OR9Q1: variants seen among roughly 807,000 people sequenced by gnomAD.
The protein encoded by OR9Q1 is olfactory receptor family 9 subfamily Q member 1.
For synonymous variants in OR9Q1, 153 were observed against 148.6 expected, an observed-to-expected ratio of 1.03 and a Z score of -0.22; for missense variants, 374 against 378.8, an observed-to-expected ratio of 0.99 and a Z score of 0.11.
chr11:58,114,636 G>A (rs1194065374), intron 2 of OR9Q1, among the ~76,000 whole-genome samples: 1 of 152,162 alleles, frequency 6.6e-6, no homozygotes, highest in Non-Finnish European at 1.5e-5. Flanking sequence ...CTTCTCTGTT[G>A]CTCTTTGGGG....
intron 1 of OR9Q1, among the ~76,000 whole-genome samples, chr11:58,027,391 C>T (rs558356811): frequency 6.6e-6 from 1 of 152,300 alleles, no homozygotes; most frequent in East Asian, 1.9e-4. Context: ...TGGCAAATTA[C>T]AGCCCATGGT....
At chr11:58,124,437 C>A (rs1480599183) in intron 2 of OR9Q1, 1 of 152,172 alleles carries the variant, frequency 6.6e-6, no homozygotes, top group Non-Finnish European at 1.5e-5. Context: ...CTTGTACTTA[C>A]TTTAACTTGG....
chr11:58,039,866 G>A (rs1853143886), intron 1 of OR9Q1, among the ~76,000 whole-genome samples: 1 of 152,110 alleles, frequency 6.6e-6, no homozygotes, highest in Non-Finnish European at 1.5e-5. Context: ...AATAAATCAA[G>A]GTAAAGGTTT....
At chr11:58,031,569 T>C in intron 1 of OR9Q1, 1 of 1,614,026 alleles carries the variant, frequency 6.2e-7, no homozygotes. Context: ...GATTTCCTGG[T>C]GTCTCTGGCT....
At chr11:58,059,231 A>C (rs1123307) in intron 2 of OR9Q1, among the ~76,000 whole-genome samples, 1 of 152,038 alleles carries the variant, frequency 6.6e-6, no homozygotes, top group South Asian at 2.1e-4. Flanking sequence ...CAGAGAGGTA[A>C]AGATGTGCTA....
At position 58,178,727 on chromosome 11, in the gene OR9Q1, C is replaced by T. The variant is rs181729867; in HGVS notation, c.-14-704C>T. ...ACACAGCTACTTAGCAATAGAGGTG[C>T]GAGAATGTGCACCCCTGTTCTGAGA... On this transcript the variant is annotated intron_variant, in intron 2 of 2. Transcript: ENST00000335397. Among the ~76,000 whole-genome samples, 5 of 151,700 alleles carry T rather than the reference C, an allele frequency of 3.3e-5. No individual in the cohort carries two copies. The East Asian group carries it at 7.8e-4, about 24-fold the overall frequency.
At chr11:58,143,668 G>A (rs1854272060) in intron 2 of OR9Q1, among the ~76,000 whole-genome samples, 1 of 152,104 alleles carries the variant, frequency 6.6e-6, no homozygotes, top group African/African-American at 2.4e-5. Context: ...CATGGACACA[G>A]GGAGGGAAAC....
intron 2 of OR9Q1, among the ~76,000 whole-genome samples, chr11:58,160,511 G>T (rs1854447214): frequency 6.6e-6 from 1 of 152,052 alleles, no homozygotes; most frequent in South Asian, 2.1e-4. Context: ...CCAGGCTGGA[G>T]TACAGTGGCA....
chr11:58,053,629 AAT>A lies in OR9Q1; in HGVS notation c.-92-2227_-92-2226del, dbSNP rs61128065. 2.8e-3 allele frequency among the ~76,000 whole-genome samples: 278 copies of A among 98,914 alleles called. 2 individuals are homozygous for A. Among genetic ancestry groups the A allele is most frequent in the African/African-American group, 7.2e-3 (211 of 29,276 alleles). 64.9% of individuals were successfully genotyped at this position (98,914 alleles called of 152,430 possible). ...AATTAAAAAATATATATATATATAA[AAT>A]ATATATATATATAAATTATATATAT... On this transcript the variant is annotated intron_variant, in intron 1 of 2. Transcript: ENST00000335397.
Position 58,180,345 on chromosome 11 carries a change from A to G in OR9Q1, c.901A>G (p.Arg301Gly). ...GAACAAGGAAGTGAAGGAGGCCCTG[A>G]GAAAAATTCTCAATAGAGCCAAGTT... ...LRNKEVKEALRKILNRAKLS is the reference protein window; with the variant it reads ...LRNKEVKEALGKILNRAKLS Residue 301 changes from arginine to glycine, a missense_variant, in exon 3 of 3, where the codon AGA (arginine) becomes GGA (glycine). Physicochemically the swap from Arg to Gly is moderately radical, Grantham distance 125 (BLOSUM62 -2). Transcript: ENST00000335397. 1 of 1,597,940 alleles carries G rather than the reference A, an allele frequency of 6.3e-7. No homozygotes were observed. Among genetic ancestry groups the G allele is most frequent in the East Asian group, 2.2e-5 (1 of 44,626 alleles).
intron 2 of OR9Q1, among the ~76,000 whole-genome samples, chr11:58,079,537 T>A (rs1853569438): frequency 1.3e-5 from 2 of 152,146 alleles, no homozygotes; most frequent in South Asian, 4.1e-4. Flanking sequence ...TGAATTTATC[T>A]CTCCATTTCT....
chr11:58,141,462 A>T (rs529509041), intron 2 of OR9Q1, among the ~76,000 whole-genome samples: 1 of 152,312 alleles, frequency 6.6e-6, no homozygotes, highest in South Asian at 2.1e-4. Flanking sequence ...CCTTTTCTGC[A>T]TCTATTGAGA....
chr11:58,062,902 G>A (rs1481064886), intron 2 of OR9Q1, among the ~76,000 whole-genome samples: 1 of 152,186 alleles, frequency 6.6e-6, no homozygotes, highest in Non-Finnish European at 1.5e-5. Flanking sequence ...TCTGCCCTGA[G>A]TTCTCTCAAG....
At chr11:58,109,233 G>T in intron 2 of OR9Q1, 1 of 465,476 alleles carries the variant, frequency 2.1e-6, no homozygotes, top group South Asian at 1.5e-5. Flanking sequence ...TGGCCAAAAA[G>T]ACCCTGCAGG....
chr11:58,048,457 C>T (rs959618472), intron 1 of OR9Q1, among the ~76,000 whole-genome samples: 8 of 147,556 alleles, frequency 5.4e-5, no homozygotes, highest in African/African-American at 2.0e-4. Flanking sequence ...TTGAGACCAG[C>T]GTGGCCAACA....
intron 2 of OR9Q1, among the ~76,000 whole-genome samples, chr11:58,100,809 C>G (rs985564882): frequency 6.6e-6 from 1 of 151,796 alleles, no homozygotes; most frequent in East Asian, 1.9e-4. Context: ...ATATACACAA[C>G]GGAATTTTAT....
chr11:58,101,212 T>C (rs1853780463), intron 2 of OR9Q1, among the ~76,000 whole-genome samples: 1 of 152,050 alleles, frequency 6.6e-6, no homozygotes. Context: ...GAAATCTTTA[T>C]ACTGTTTTCC....
At chr11:58,162,972 G>A (rs1430389149) in intron 2 of OR9Q1, among the ~76,000 whole-genome samples, 1 of 152,146 alleles carries the variant, frequency 6.6e-6, no homozygotes, top group Non-Finnish European at 1.5e-5. Context: ...AGAAAGATGG[G>A]GTGGAAAGAA....
At chr11:58,043,608 T>C (rs1220154173) in intron 1 of OR9Q1, among the ~76,000 whole-genome samples, 2 of 152,208 alleles carry the variant, frequency 1.3e-5, no homozygotes, top group Non-Finnish European at 2.9e-5. Flanking sequence ...TTTCATGCCT[T>C]TACTATAATA....
Sources: gnomAD v4.1 joint callset for allele counts (sites outside exome capture counted in the v4.1 genomes callset) on GRCh38, gnomAD v4.1.1 for gene constraint, MANE v1.5 for transcripts, NCBI Gene and HGNC (gene_info 2026-07-23, HGNC 2026-07-21) for gene names.